The following GATAD2A variants were observed in gnomAD, a reference collection of about 807,000 sequenced individuals.
GATAD2A encodes the protein transcriptional repressor p66-alpha.
Under a neutral mutation model 68.5 loss-of-function variants are expected in GATAD2A, and 12 were observed. That is an observed-to-expected ratio of 0.18 (90% CI 0.11 to 0.28). The LOEUF is 0.28. GATAD2A is among the 10% of genes least tolerant of loss of function. GATAD2A has a pLI of 1.00. For synonymous variants in GATAD2A, 410 were observed against 375.3 expected, an observed-to-expected ratio of 1.09 and a Z score of -1.07; for missense variants, 755 against 868.5, an observed-to-expected ratio of 0.87 and a Z score of 1.64.
chr19:19,392,071 A>C (rs895729038), intron 1 of GATAD2A, among the ~76,000 whole-genome samples: 65 of 139,718 alleles, frequency 4.7e-4, no homozygotes, highest in African/African-American at 1.6e-3. Flanking sequence ...TTTGAATAAG[A>C]GTTTTTCCTT....
At chr19:19,415,792 A>G (rs1405090541) in intron 1 of GATAD2A, among the ~76,000 whole-genome samples, 2 of 151,444 alleles carry the variant, frequency 1.3e-5, no homozygotes, top group Non-Finnish European at 2.9e-5. Flanking sequence ...TAATTTTTGT[A>G]TTTTTGGTAG....
intron 1 of GATAD2A, among the ~76,000 whole-genome samples, chr19:19,434,606 T>G (rs1195106039): frequency 6.6e-6 from 1 of 152,006 alleles, no homozygotes; most frequent in Non-Finnish European, 1.5e-5. Flanking sequence ...ACAACAGAGG[T>G]GATGTTGACA....
rs778906919 is a variant in GATAD2A, at chr19:19,505,393, C to G, written c.1824C>G (p.Ser608=). ...VSPSLAVHKS[S]SAVDRQREYL... is the part of the protein sequence containing the mutation. The stretch of plus-strand genomic sequence containing the variant: ...CAAGCCTGGCGGTGCACAAGAGCTC[C>G]TCGGCCGTGGACCGCCAGCGAGAGT... Residue 608 remains serine (S), a synonymous_variant, in exon 12 of 12, where the codon TCC becomes TCG. Coordinates refer to ENST00000683918, the MANE Select transcript of GATAD2A (RefSeq NM_001384528.1). 2.1e-5 allele frequency: 34 copies of G among 1,612,960 alleles called. No individual in the cohort carries two copies. Among genetic ancestry groups the G allele is most frequent in the Non-Finnish European group, 2.7e-5 (32 of 1,179,426 alleles).
chr19:19,451,427 GT>G (rs1386151230), intron 1 of GATAD2A, among the ~76,000 whole-genome samples: 2 of 152,184 alleles, frequency 1.3e-5, no homozygotes, highest in Non-Finnish European at 2.9e-5. Flanking sequence ...TGCTGCAGAA[GT>G]TTCCTTCTGA....
At chr19:19,395,957 T>C (rs1368459838) in intron 1 of GATAD2A, among the ~76,000 whole-genome samples, 1 of 152,180 alleles carries the variant, frequency 6.6e-6, no homozygotes, top group Non-Finnish European at 1.5e-5. Context: ...GTTTGTGGGC[T>C]GGTTTGTTTG....
chr19:19,386,983 G>A (rs747734189), intron 1 of GATAD2A, among the ~76,000 whole-genome samples: 1 of 151,876 alleles, frequency 6.6e-6, no homozygotes, highest in Non-Finnish European at 1.5e-5. Flanking sequence ...CCTCTGAGGG[G>A]AGTCCCTTTC....
At chr19:19,412,871 C>T (rs1277524299) in intron 1 of GATAD2A, among the ~76,000 whole-genome samples, 4 of 152,116 alleles carry the variant, frequency 2.6e-5, no homozygotes, top group African/African-American at 9.7e-5. Flanking sequence ...CTCCAATTTA[C>T]GATGGATTGA....
intron 1 of GATAD2A, among the ~76,000 whole-genome samples, chr19:19,428,276 C>T (rs1188448720): frequency 6.6e-6 from 1 of 152,162 alleles, no homozygotes; most frequent in Non-Finnish European, 1.5e-5. Flanking sequence ...GATCTGGGGT[C>T]GATAGGCAGT....
intron 1 of GATAD2A, among the ~76,000 whole-genome samples, chr19:19,393,225 C>T (rs1599964327): frequency 6.6e-6 from 1 of 152,064 alleles, no homozygotes; most frequent in South Asian, 2.1e-4. Flanking sequence ...ATGGCTTGAA[C>T]CTGAGTGAGA....
intron 9 of GATAD2A, 25 bp from the exon 10 acceptor site, chr19:19,501,942 CTT>C: frequency 6.2e-7 from 1 of 1,601,990 alleles, no homozygotes; most frequent in East Asian, 2.2e-5. Flanking sequence ...ACCGCACTGA[CTT>C]TGCTTTCAAC....
chr19:19,454,019 CAG>C (rs2056676104), intron 1 of GATAD2A, among the ~76,000 whole-genome samples: 2 of 142,122 alleles, frequency 1.4e-5, no homozygotes, highest in South Asian at 4.4e-4. Flanking sequence ...GCTTTTGAGA[CAG>C]AGTTTCGTTC....
intron 1 of GATAD2A, among the ~76,000 whole-genome samples, chr19:19,427,318 C>G (rs567490165): frequency 6.6e-6 from 1 of 151,844 alleles, no homozygotes; most frequent in Non-Finnish European, 1.5e-5. Flanking sequence ...AAAAATGAAC[C>G]TTTCTGAATT....
intron 2 of GATAD2A, among the ~76,000 whole-genome samples, chr19:19,470,034 TG>T (rs1363540575): frequency 2.6e-5 from 4 of 151,398 alleles, no homozygotes; most frequent in African/African-American, 9.7e-5. Context: ...TACAAAAGGA[TG>T]GAAAAAGAGG....
chr19:19,417,574 C>T (rs756175258), intron 1 of GATAD2A, among the ~76,000 whole-genome samples: 1 of 152,094 alleles, frequency 6.6e-6, no homozygotes, highest in South Asian at 2.1e-4. Context: ...GAAAGTCATA[C>T]TGGGAACTAA....
rs539578753 is a variant in GATAD2A, at chr19:19,482,920, G to A, written c.270-9386G>A. Among the ~76,000 whole-genome samples the A allele has an allele frequency of 1.6e-4, 25 of 152,160 alleles. No homozygotes were observed. In the South Asian group the frequency reaches 4.8e-3, roughly 29 times the overall value. ...GAGGCTGCTGGCCCACATGAGCATG[G>A]TACTAAGGTCTCCTAGGCTTGTCTC... On this transcript the variant is annotated intron_variant, in intron 2 of 11. Transcript: ENST00000683918.
At chr19:19,402,771 T>G (rs113460678), upstream of GATAD2A, among the ~76,000 whole-genome samples, 14,423 of 149,578 alleles carry the variant, frequency 0.096, 800 homozygotes, top group South Asian at 0.16. Flanking sequence ...GTTTTTGTTT[T>G]TTTGATTTTT....
intron 1 of GATAD2A, among the ~76,000 whole-genome samples, chr19:19,426,011 C>T (rs1409765084): frequency 1.3e-5 from 2 of 152,130 alleles, no homozygotes; most frequent in African/African-American, 4.8e-5. Flanking sequence ...TGGTCTCGAA[C>T]TTGTAAGCTC....
intron 2 of GATAD2A, among the ~76,000 whole-genome samples, chr19:19,491,783 G>A (rs542738716): frequency 6.6e-6 from 1 of 152,330 alleles, no homozygotes; most frequent in East Asian, 1.9e-4. Flanking sequence ...GCTTTGGCCT[G>A]CCTGAGTGGA....
chr19:19,438,355 C>T (rs1159313424), intron 1 of GATAD2A, among the ~76,000 whole-genome samples: 1 of 152,178 alleles, frequency 6.6e-6, no homozygotes, highest in African/African-American at 2.4e-5. Context: ...AAGTGATCTA[C>T]CTCAGTCTCC....
Sources: allele counts gnomAD v4.1 joint callset (sites outside exome capture counted in the v4.1 genomes callset), GRCh38; gene constraint gnomAD v4.1.1; transcripts MANE v1.5; gene names NCBI Gene and HGNC (gene_info 2026-07-23, HGNC 2026-07-21).